HMCN1: variants seen among roughly 807,000 people sequenced by gnomAD.
HMCN1 encodes the protein hemicentin-1.
HMCN1 carries 321 observed loss-of-function variants against 625.9 expected under a neutral mutation model. That is an observed-to-expected ratio of 0.51 (90% CI 0.47 to 0.56). The LOEUF (loss-of-function observed/expected upper bound fraction) is 0.56, where lower values mean the gene tolerates loss of function less well. Ranked by LOEUF, HMCN1 falls within the 20% of genes least tolerant of loss-of-function variation. The probability of loss-of-function intolerance (pLI) is 0.00; values close to 1 mark genes in which losing one functional copy is unlikely to be tolerated. For synonymous variants in HMCN1, 2,425 were observed against 2,417.6 expected (o/e 1.00, Z -0.09); for missense variants, 6,588 against 6,887.3 (o/e 0.96, Z 1.54).
intron 4 of HMCN1, among the ~76,000 whole-genome samples, chr1:185,888,656 C>A (rs1286746178): frequency 6.8e-6 from 1 of 147,410 alleles, no homozygotes; most frequent in Non-Finnish European, 1.5e-5. Flanking sequence ...CTGTTGTGTT[C>A]CATTGATCTA....
At position 186,001,676 on chromosome 1, in the gene HMCN1, G is replaced by T; in HGVS notation, c.4283G>T (p.Arg1428Ile). The T allele has an allele frequency of 6.2e-7, 1 of 1,608,026 alleles. No homozygotes were observed. The highest frequency in any genetic ancestry group is 8.5e-7 in the Non-Finnish European group (1 of 1,174,674). The part of the protein sequence containing the change: ...LFRATPEDAG[R>I]YSCKAINIAG... ...AGAGCCACTCCAGAGGATGCAGGAAGATATTCCTGCAAAGCAATTAATATT... is the reference window on the plus strand; with the variant it reads ...AGAGCCACTCCAGAGGATGCAGGAATATATTCCTGCAAAGCAATTAATATT... Residue 1428 changes from arginine to isoleucine, a missense_variant, in exon 28 of 107, where the codon AGA becomes ATA. By Grantham distance (97) the Arg-to-Ile change is moderately conservative (BLOSUM62 -3). This residue lies in a region of HMCN1 where 4,628 missense variants were observed against 4,853.1 expected (regional missense o/e 0.95). Coordinates refer to ENST00000271588, the MANE Select transcript of HMCN1 (RefSeq NM_031935.3).
rs1302836148 is a variant in HMCN1 at position 186,019,645 on chromosome 1, A to T, written c.5575A>T (p.Thr1859Ser). 6.2e-7 allele frequency: 1 copy of T among 1,612,304 alleles called. No homozygotes were observed. ...CAATGGGATTCCAAATCCTTCCATT[A>T]CATGGTTAAAAGATGACCAGCCTGT... ...IANGIPNPSI[T>S]WLKDDQPVNT... The change falls in exon 35 of 107, where the codon ACA becomes TCA. Residue 1859 changes from threonine to serine, a missense_variant. By Grantham distance (58) the Thr-to-Ser change is moderately conservative (BLOSUM62 1). Around this residue, in one of 3 missense-constraint regions of HMCN1, gnomAD observed 4,628 missense variants for 4,853.1 expected, o/e 0.95. Transcript: ENST00000271588.
intron 97 of HMCN1, among the ~76,000 whole-genome samples, 188 bp downstream of exon 97, chr1:186,154,175 TTACTAATA>T (rs1242245793): frequency 6.6e-6 from 1 of 152,170 alleles, no homozygotes; most frequent in African/African-American, 2.4e-5. Context: ...TACATTTACT[TTACTAATA>T]TACTTCTTCA....
chr1:185,959,455 T>C (rs1260047315), intron 11 of HMCN1, among the ~76,000 whole-genome samples: 1 of 152,200 alleles, frequency 6.6e-6, no homozygotes, highest in East Asian at 1.9e-4. Context: ...TATTGGTTTT[T>C]ATTTTATATT....
chr1:186,151,008 G>A (rs1276259782), intron 93 of HMCN1, among the ~76,000 whole-genome samples, 192 bp from the exon 94 acceptor site: 3 of 152,088 alleles, frequency 2.0e-5, no homozygotes, highest in Non-Finnish European at 4.4e-5. Context: ...ATTTATGGGT[G>A]ATGATGGTTG....
At chr1:185,878,371 G>A (rs1664086952) in intron 4 of HMCN1, among the ~76,000 whole-genome samples, 1 of 152,174 alleles carries the variant, frequency 6.6e-6, no homozygotes, top group Non-Finnish European at 1.5e-5. Context: ...GATGTTACCT[G>A]TGGATCTGTT....
intron 1 of HMCN1, among the ~76,000 whole-genome samples, chr1:185,743,734 C>T (rs1461246550): frequency 6.6e-6 from 1 of 152,146 alleles, no homozygotes; most frequent in African/African-American, 2.4e-5. Context: ...TATATGTCAA[C>T]TATCAGATGT....
chr1:185,882,861 A>G (rs1166294907), intron 4 of HMCN1, among the ~76,000 whole-genome samples: 3 of 152,088 alleles, frequency 2.0e-5, no homozygotes, highest in African/African-American at 7.2e-5. Context: ...ATAGCTGGTG[A>G]GGGAGAGCAT....
chr1:185,752,344 A>C (rs1654873184), intron 1 of HMCN1, among the ~76,000 whole-genome samples: 1 of 152,168 alleles, frequency 6.6e-6, no homozygotes, highest in Admixed American at 6.6e-5. Flanking sequence ...AAAAAGGCTG[A>C]TACCATAAAA....
chr1:186,098,217 CA>C (rs1660227311), intron 68 of HMCN1, among the ~76,000 whole-genome samples: 1 of 151,796 alleles, frequency 6.6e-6, no homozygotes, highest in Non-Finnish European at 1.5e-5. Flanking sequence ...TTATATCAAA[CA>C]AAAAGCTTCT....
intron 47 of HMCN1, 49 bp from the exon 48 acceptor site, chr1:186,062,465 C>T (rs577427236): frequency 3.7e-6 from 4 of 1,077,952 alleles, no homozygotes; most frequent in Non-Finnish European, 5.8e-6. Context: ...TATAAAATAG[C>T]AGCTTTGCTG....
At chr1:186,050,214 A>G (rs1228816002) in intron 42 of HMCN1, among the ~76,000 whole-genome samples, 3 of 151,944 alleles carry the variant, frequency 2.0e-5, no homozygotes, top group African/African-American at 7.2e-5. Context: ...ATCAATTAGA[A>G]ACTGAGGTGA....
Position 185,989,395 on chromosome 1 carries a change from C to T in HMCN1, c.3049-93C>T, listed in dbSNP as rs141705724. On this transcript the variant is annotated intron_variant, in intron 20 of 106. Transcript: ENST00000271588. ...ATTCCCCTCTTGGAGATGTTTTTTT[C>T]TCTCTATTCCTCTTCCAGACATTGT... 3.1e-5 allele frequency: 44 copies of T among 1,437,994 alleles called. No homozygotes were observed. In the African/African-American group the frequency reaches 5.1e-4, roughly 17 times the overall value. The allele number at this position is 1,437,994 out of a possible 1,614,324, so 89.1% of individuals were successfully genotyped here.
At position 185,965,797 on chromosome 1, in the gene HMCN1, T is replaced by C; in HGVS notation, c.2099-5T>C. 4 of 1,580,250 alleles carry C rather than the reference T, an allele frequency of 2.5e-6. No individual in the cohort carries two copies. Among genetic ancestry groups the C allele is most frequent in the Non-Finnish European group, 3.5e-6 (4 of 1,149,316 alleles). ...GTTGACTATTTGCGTTTTTGTTTTTTTCAGAAGCCCCTAAGTTGATGGTAG... is the reference window on the plus strand; with the variant it reads ...GTTGACTATTTGCGTTTTTGTTTTTCTCAGAAGCCCCTAAGTTGATGGTAG... On this transcript the variant is annotated splice_region_variant and splice_polypyrimidine_tract_variant and intron_variant, in intron 13 of 106. Transcript: ENST00000271588.
Position 185,864,404 on chromosome 1 carries a change from G to A in HMCN1, c.340-66G>A. The A allele has an allele frequency of 3.3e-6, 5 of 1,536,542 alleles. No individual in the cohort carries two copies. In the South Asian group the frequency reaches 4.5e-5, roughly 14 times the overall value. On this transcript the variant is annotated intron_variant, in intron 2 of 106. Transcript: ENST00000271588. ...CGTTCTAAAACTCCCAAAGCACCTT[G>A]TTATAACCAAAATATTCAATTGTTT...
intron 2 of HMCN1, among the ~76,000 whole-genome samples, chr1:185,847,980 A>G (rs753451313): frequency 2.0e-5 from 3 of 152,090 alleles, no homozygotes; most frequent in Non-Finnish European, 4.4e-5. Context: ...AAAAGTTTTC[A>G]TTGTTTTTTA....
At position 185,767,588 on chromosome 1, in the gene HMCN1, G is replaced by A. The variant is rs189334756; in HGVS notation, c.268+32541G>A. Among the ~76,000 whole-genome samples the A allele has an allele frequency of 5.5e-3, 841 of 152,236 alleles. 1 individual carries two copies. The highest frequency in any genetic ancestry group is 9.0e-3 in the Non-Finnish European group (615 of 67,994). ...AGAATAATTTTAATGTTCAAGATTC[G>A]TAAAACTTATAACTGAGGCTTAGTG... On this transcript the variant is annotated intron_variant, in intron 1 of 106. Transcript: ENST00000271588.
intron 6 of HMCN1, among the ~76,000 whole-genome samples, chr1:185,915,202 A>T (rs1666634573): frequency 6.6e-6 from 1 of 152,122 alleles, no homozygotes; most frequent in Non-Finnish European, 1.5e-5. Flanking sequence ...GTTAAAAAGA[A>T]GTAACTGGAA....
chr1:186,108,265 T>A (rs1042992157), intron 70 of HMCN1, among the ~76,000 whole-genome samples, 196 bp from the exon 71 acceptor site: 11 of 152,140 alleles, frequency 7.2e-5, no homozygotes, highest in Admixed American at 3.3e-4. Context: ...GAAGGATTTC[T>A]TTACTTAGTG....
Sources: gnomAD v4.1 joint callset for allele counts (sites outside exome capture counted in the v4.1 genomes callset) on GRCh38, gnomAD v4.1.1 for gene constraint, gnomAD v4.1.1 regional missense constraint, MANE v1.5 for transcripts, NCBI Gene and HGNC (gene_info 2026-07-23, HGNC 2026-07-21) for gene names.